AK6: variants seen among roughly 807,000 people sequenced by gnomAD.
AK6 encodes adenylate kinase 6.
A neutral mutation model predicts 23.7 loss-of-function variants in AK6; 24 were observed. The ratio of observed to expected loss-of-function variants is 1.01; its 90% CI spans 0.73 to 1.43. The LOEUF is 1.43. Ranked by LOEUF, AK6 falls within the 40% of genes most tolerant of loss-of-function variation. AK6 has a pLI of 0.00. For synonymous variants in AK6, 73 were observed against 69.8 expected (o/e 1.05, Z -0.23); for missense variants, 191 against 199.1 (o/e 0.96, Z 0.24).
chr5:69,367,257 A>G (rs1762471081), intron 1 of AK6, among the ~76,000 whole-genome samples: 1 of 151,912 alleles, frequency 6.6e-6, no homozygotes, highest in South Asian at 2.1e-4. Flanking sequence ...TCATGCCTGT[A>G]ATCACCGCAC....
chr5:69,354,239 T>C (rs943355866), intron 4 of AK6, among the ~76,000 whole-genome samples: 4 of 152,208 alleles, frequency 2.6e-5, no homozygotes, highest in Admixed American at 2.0e-4. Context: ...TAAATTGTCT[T>C]GATTGAAAAA....
intron 2 of AK6, among the ~76,000 whole-genome samples, chr5:69,363,811 G>A (rs1762309859): frequency 6.6e-6 from 1 of 151,748 alleles, no homozygotes; most frequent in Non-Finnish European, 1.5e-5. Flanking sequence ...GGAAAGGCCA[G>A]GTGAGGTAGC....
At chr5:69,357,579 A>T (rs1762115407) in intron 2 of AK6, among the ~76,000 whole-genome samples, 1 of 152,236 alleles carries the variant, frequency 6.6e-6, no homozygotes, top group South Asian at 2.1e-4. Flanking sequence ...GATAATATAA[A>T]GACCTTAAAA....
intron 2 of AK6, chr5:69,365,488 T>G: frequency 6.2e-7 from 1 of 1,614,072 alleles, no homozygotes; most frequent in Non-Finnish European, 8.5e-7. Context: ...GGAGGAGAGG[T>G]AAAAGACTGA....
chr5:69,352,115 A>G lies in AK6; in HGVS notation c.465T>C (p.Asn155=), dbSNP rs1280441725. The G allele has an allele frequency of 6.2e-7, 1 of 1,613,600 alleles. No homozygotes were observed. Residue 155 remains asparagine (N), a synonymous_variant, in exon 5 of 5, where the codon AAT becomes AAC. Transcript: ENST00000380822. ...CAATCCATTTCAAGATCTGATCTAC[A>G]TTATTTTCTAGCTCTTCTGGTTTAT... ...PSNKPEELEN[N]VDQILKWIEQ...
chr5:69,364,701 A>G (rs1393232520), intron 2 of AK6: 3 of 592,454 alleles, frequency 5.1e-6, no homozygotes, highest in African/African-American at 1.8e-5. Flanking sequence ...GACAACAAGG[A>G]GAAAATTGCT....
At chr5:69,364,758 C>CT in intron 2 of AK6, 1 of 681,730 alleles carries the variant, frequency 1.5e-6, no homozygotes. Context: ...TGAATGACAA[C>CT]TTTATTTTTC....
At chr5:69,359,850 G>A (rs1002464757) in intron 2 of AK6, among the ~76,000 whole-genome samples, 1 of 152,230 alleles carries the variant, frequency 6.6e-6, no homozygotes, top group African/African-American at 2.4e-5. Context: ...GTGATTGGGT[G>A]CCTTTAAAAT....
intron 4 of AK6, among the ~76,000 whole-genome samples, chr5:69,354,373 T>A (rs1762027944): frequency 6.6e-6 from 1 of 152,242 alleles, no homozygotes; most frequent in African/African-American, 2.4e-5. Flanking sequence ...TATGTATATT[T>A]GCTGCCATAC....
At chr5:69,365,768 G>A in intron 2 of AK6, 1 of 1,482,580 alleles carries the variant, frequency 6.7e-7, no homozygotes, top group Non-Finnish European at 9.0e-7. Flanking sequence ...TAGATCATTT[G>A]AAAAAAATAT....
At chr5:69,355,621 T>TAAG (rs759051625) in intron 4 of AK6, 28 bp downstream of exon 4, 2 of 1,564,908 alleles carry the variant, frequency 1.3e-6, no homozygotes, top group South Asian at 2.4e-5. Flanking sequence ...CATTATGCTT[T>TAAG]AAGAATCTAA....
chr5:69,369,504 A>T lies in AK6; in HGVS notation c.-14T>A. On this transcript the variant is annotated 5_prime_UTR_variant, in exon 1 of 5. Coordinates refer to ENST00000380822, the MANE Select transcript of AK6 (RefSeq NM_016283.5). ...CGGAAGCAACATGGTCCCCGCCGCG[A>T]CGGCTTCGGGCGCCTCGCTCACGTG... 1 of 1,610,854 alleles carries T rather than the reference A, an allele frequency of 6.2e-7. No homozygotes were observed. Among genetic ancestry groups the T allele is most frequent in the Non-Finnish European group, 8.5e-7 (1 of 1,179,144 alleles).
At chr5:69,360,340 G>A (rs973437434) in intron 2 of AK6, among the ~76,000 whole-genome samples, 11 of 152,198 alleles carry the variant, frequency 7.2e-5, no homozygotes, top group African/African-American at 2.4e-4. Context: ...AGGCCAAGTG[G>A]ATCTGTGTGG....
At position 69,364,850 on chromosome 5, in the gene AK6, T is replaced by TCAA. The variant is rs948048798; in HGVS notation, c.121+1652_121+1653insTTG. 11 of 1,204,456 alleles carry TCAA rather than the reference T, an allele frequency of 9.1e-6. No homozygotes were observed. The African/African-American group carries it at 1.4e-4, about 15-fold the overall frequency. 74.6% of individuals were successfully genotyped at this position (1,204,456 alleles called of 1,614,324 possible). A position where few individuals can be genotyped will look rare whatever the true frequency, so the allele number is the denominator to read the frequency against. ...TGTTTACTCATTATTATTAGTTTTCTAAAACACAACTTGAAAACATCCAGC... is the reference window on the plus strand; with the variant it reads ...TGTTTACTCATTATTATTAGTTTTCTCAAAAAACACAACTTGAAAACATCCAGC... On this transcript the variant is annotated intron_variant, in intron 2 of 4. Transcript: ENST00000380822.
At chr5:69,363,277 G>A (rs1276945733) in intron 2 of AK6, among the ~76,000 whole-genome samples, 1 of 152,188 alleles carries the variant, frequency 6.6e-6, no homozygotes, top group East Asian at 1.9e-4. Context: ...CAAAGAAGAG[G>A]AAGACAAGTG....
intron 1 of AK6, chr5:69,368,005 A>AAACAAAAACAAG (rs1762556149): frequency 6.6e-6 from 1 of 152,144 alleles, no homozygotes; most frequent in African/African-American, 2.4e-5. Flanking sequence ...TCTCAAACAA[A>AAACAAAAACAAG]AACAAAAACA....
intron 2 of AK6, among the ~76,000 whole-genome samples, chr5:69,363,167 G>A (rs1281612806): frequency 1.3e-5 from 2 of 151,948 alleles, no homozygotes; most frequent in Non-Finnish European, 2.9e-5. Flanking sequence ...GTTCAAGGAT[G>A]CAATGAGCTA....
In AK6 at chr5:69,351,145, C is replaced by G. The variant is rs1761942008; in HGVS notation, c.*916G>C. The G allele has an allele frequency of 6.6e-6, 1 of 152,184 alleles. No individual in the cohort carries two copies. The highest frequency in any genetic ancestry group is 2.4e-5 in the African/African-American group (1 of 41,436). The allele number at this position is 152,184 out of a possible 1,614,324, so 9.4% of individuals were successfully genotyped here. ...ATCACTGCTTCCTCCACAGTGGTGA[C>G]AGTTACATAACCTTGTTAATAAGCT... On this transcript the variant is annotated 3_prime_UTR_variant, in exon 5 of 5. Coordinates refer to ENST00000380822, the MANE Select transcript of AK6 (RefSeq NM_016283.5).
rs939899047 is a variant in AK6, at chr5:69,351,201, GTTTAT to G, written c.*855_*859del. On this transcript the variant is annotated 3_prime_UTR_variant, in exon 5 of 5. Transcript: ENST00000380822. ...CCAACGGATTATAAATTTTATTTAT[GTTTAT>G]TTTTAGAGTCTAAGGTCTCACTATG... 1.3e-5 allele frequency: 2 copies of G among 152,126 alleles called. No individual in the cohort carries two copies. Among genetic ancestry groups the G allele is most frequent in the Admixed American group, 1.3e-4 (2 of 15,266 alleles). 9.4% of individuals were successfully genotyped at this position (152,126 alleles called of 1,614,324 possible).
Sources: allele counts gnomAD v4.1 joint callset (sites outside exome capture counted in the v4.1 genomes callset), GRCh38; gene constraint gnomAD v4.1.1; transcripts MANE v1.5; gene names NCBI Gene and HGNC (gene_info 2026-07-23, HGNC 2026-07-21).